Variants in MED10 observed in about 807,000 individuals in gnomAD.
MED10 encodes the protein mediator complex subunit 10.
In MED10, 9 loss-of-function variants were observed where a neutral mutation model predicts 17.2. The ratio of observed to expected loss-of-function variants is 0.52; its 90% confidence interval spans 0.31 to 0.91. The LOEUF is 0.91. MED10 is among the 40% of genes least tolerant of loss of function. The probability of loss-of-function intolerance (pLI) is 0.04; values close to 1 mark genes in which losing one functional copy is unlikely to be tolerated. For synonymous variants in MED10, 66 were observed against 59.8 expected, an observed-to-expected ratio of 1.10 and a Z score of -0.48; for missense variants, 129 against 164.8, an observed-to-expected ratio of 0.78 and a Z score of 1.19.
chr5:6,376,968 T>C (rs1738004693), intron 2 of MED10, 198 bp downstream of exon 2: 4 of 410,932 alleles, frequency 9.7e-6, no homozygotes, highest in South Asian at 8.5e-5. Context: ...CGTTTTGTAA[T>C]GCCATTAGAA....
intron 3 of MED10, among the ~76,000 whole-genome samples, chr5:6,372,922 G>A (rs190653167): frequency 6.4e-4 from 98 of 152,306 alleles, no homozygotes; most frequent in African/African-American, 2.3e-3. Flanking sequence ...GGAGAGAGAC[G>A]TTTCTGTTGG....
rs1384564589 is a variant in MED10 at position 6,378,376 on chromosome 5, C to T, written c.108G>A (p.Gly36=). ...VSDFQPSSQA[G]LNQKLNFIVT... ...CCGCCACTCACAGCTTTTGGTTGAGCCCGGCCTGGCTGCTGGGCTGGAAGT... is the reference window on the plus strand; with the variant it reads ...CCGCCACTCACAGCTTTTGGTTGAGTCCGGCCTGGCTGCTGGGCTGGAAGT... Residue 36 remains glycine, a synonymous_variant, in exon 1 of 4, where the codon GGG becomes GGA. Coordinates refer to ENST00000255764, the MANE Select transcript of MED10 (RefSeq NM_032286.3). The T allele has an allele frequency of 6.2e-7, 1 of 1,610,840 alleles. No individual in the cohort carries two copies. Among genetic ancestry groups the T allele is most frequent in the East Asian group, 2.2e-5 (1 of 44,782 alleles).
Position 6,378,453 on chromosome 5 carries a change from G to C in MED10, c.31C>G (p.His11Asp). Residue 11 changes from histidine to aspartate, a missense_variant, in exon 1 of 4, where the codon CAC (histidine) becomes GAC (aspartate). Coordinates refer to ENST00000255764, the MANE Select transcript of MED10 (RefSeq NM_032286.3). MAEKFDHLEEHLEKFVENIRQ... is the reference protein window; with the variant it reads MAEKFDHLEEDLEKFVENIRQ... ...ATGTTCTCCACGAACTTCTCCAGGT[G>C]CTCCTCTAGGTGGTCAAACTTCTCC... The C allele has an allele frequency of 6.2e-7, 1 of 1,613,658 alleles. No individual in the cohort carries two copies. Among genetic ancestry groups the C allele is most frequent in the South Asian group, 1.1e-5 (1 of 91,032 alleles).
chr5:6,373,017 C>T (rs570364416), intron 3 of MED10, among the ~76,000 whole-genome samples: 44 of 152,326 alleles, frequency 2.9e-4, no homozygotes, highest in African/African-American at 1.0e-3. Context: ...AGTGCACTGG[C>T]TCTGAAGGTG....
chr5:6,376,872 C>A (rs1358589694), intron 2 of MED10: 2 of 212,792 alleles, frequency 9.4e-6, no homozygotes, highest in African/African-American at 2.3e-5. Flanking sequence ...CTTTGAGGAC[C>A]TATGATGTAT....
At chr5:6,372,790 C>T (rs1403768527) in intron 3 of MED10, among the ~76,000 whole-genome samples, 189 bp from the exon 4 acceptor site, 1 of 152,178 alleles carries the variant, frequency 6.6e-6, no homozygotes, top group Non-Finnish European at 1.5e-5. Context: ...GGAAGCGACA[C>T]TGCACAGCCC....
At chr5:6,374,262 A>T (rs1737948222) in intron 3 of MED10, 62 bp downstream of exon 3, 5 of 1,164,146 alleles carry the variant, frequency 4.3e-6, no homozygotes, top group Non-Finnish European at 6.5e-6. Context: ...GAGTCTCTTA[A>T]CCAAATTCCA....
chr5:6,373,438 C>A (rs933680708), intron 3 of MED10, among the ~76,000 whole-genome samples: 1 of 152,204 alleles, frequency 6.6e-6, no homozygotes, highest in African/African-American at 2.4e-5. Context: ...TCTTGACCAG[C>A]ATTCTCAAGG....
chr5:6,372,166 T>G lies in MED10; in HGVS notation c.*337A>C. 1 of 229,454 alleles carries G rather than the reference T, an allele frequency of 4.4e-6. No homozygotes were observed. Among genetic ancestry groups the G allele is most frequent in the Non-Finnish European group, 8.5e-6 (1 of 118,158 alleles). 14.2% of individuals were successfully genotyped at this position (229,454 alleles called of 1,614,324 possible). ...GTTAAAAGAAAAATATTAGGTAGAA[T>G]GTTGTAAAACTTTTAATTTACCCAT... On this transcript the variant is annotated 3_prime_UTR_variant, in exon 4 of 4. Coordinates refer to ENST00000255764, the MANE Select transcript of MED10 (RefSeq NM_032286.3).
rs764431759 is a variant in MED10 at position 6,374,387 on chromosome 5, T to C, written c.246A>G (p.Lys82=). The C allele has an allele frequency of 5.6e-6, 9 of 1,613,906 alleles. No individual in the cohort carries two copies. The Admixed American group carries it at 1.5e-4, about 27-fold the overall frequency. Reference sequence around the variant, plus strand: ...TAGCTAGAGCCCTCTCCAGGCACTCTTTGGTGTAGAGCTGGGGATTTCGAC... The same window carrying C: ...TAGCTAGAGCCCTCTCCAGGCACTCCTTGGTGTAGAGCTGGGGATTTCGAC... ...DQGRNPQLYT[K]ECLERALAKN... The change falls in exon 3 of 4, where the codon AAA becomes AAG. Residue 82 remains lysine, a synonymous_variant. Coordinates refer to ENST00000255764, the MANE Select transcript of MED10 (RefSeq NM_032286.3).
chr5:6,378,515 C>T lies in MED10; in HGVS notation c.-32G>A, dbSNP rs1037946555. 18 of 1,595,502 alleles carry T rather than the reference C, an allele frequency of 1.1e-5. No individual in the cohort carries two copies. The highest frequency in any genetic ancestry group is 1.5e-5 in the Non-Finnish European group (17 of 1,169,652). ...GGCCCGTCCCCGACCCACACAGCCT[C>T]AACCAGCAGCGCCGCAGGCGTGGCC... is the stretch of plus-strand genomic sequence containing the variant. On this transcript the variant is annotated 5_prime_UTR_variant, in exon 1 of 4. Transcript: ENST00000255764.
At chr5:6,374,593 C>T in intron 2 of MED10, 167 bp from the exon 3 acceptor site, 1 of 581,854 alleles carries the variant, frequency 1.7e-6, no homozygotes, top group South Asian at 2.0e-5. Flanking sequence ...CTCATTTACA[C>T]AAGTACAGAT....
chr5:6,374,790 CTT>C (rs1737959565), intron 2 of MED10: 1 of 182,006 alleles, frequency 5.5e-6, no homozygotes, highest in Non-Finnish European at 1.2e-5. Flanking sequence ...TAAGGCAACT[CTT>C]GACAAAAGAA....
intron 1 of MED10, 41 bp from the exon 2 acceptor site, chr5:6,377,290 C>T (rs1361148138): frequency 3.3e-6 from 5 of 1,500,152 alleles, no homozygotes; most frequent in Admixed American, 3.5e-5. Context: ...GTTAATTTCG[C>T]TTGACAGCAT....
Position 6,375,698 on chromosome 5 carries a change from C to T in MED10, c.207-1272G>A, listed in dbSNP as rs535889848. On this transcript the variant is annotated intron_variant, in intron 2 of 3. Coordinates refer to ENST00000255764, the MANE Select transcript of MED10 (RefSeq NM_032286.3). The stretch of plus-strand genomic sequence containing the variant: ...GAGACAAGGGCCAAGCTGCTTTCAC[C>T]TTAGCTAAAGACACAGTTGGTGTGT... 1.0e-3 allele frequency among the ~76,000 whole-genome samples: 156 copies of T among 152,302 alleles called. 1 individual carries two copies. Among genetic ancestry groups the T allele is most frequent in the African/African-American group, 3.5e-3 (147 of 41,574 alleles).
At position 6,372,656 on chromosome 5, in the gene MED10, A is replaced by G. The variant is rs1218929534; in HGVS notation, c.310-55T>C. 46 of 1,414,466 alleles carry G rather than the reference A, an allele frequency of 3.3e-5. No individual in the cohort carries two copies. The South Asian group carries it at 4.7e-4, about 15-fold the overall frequency. The allele number at this position is 1,414,466 out of a possible 1,614,324, so 87.6% of individuals were successfully genotyped here. A position where few individuals can be genotyped will look rare whatever the true frequency, so the allele number is the denominator to read the frequency against. On this transcript the variant is annotated intron_variant, in intron 3 of 3. Transcript: ENST00000255764. ...TCTTCACATCAACACTCCAATAACT[A>G]TTTAAAATATGCCTTTTGGAAGTTT... is the stretch of plus-strand genomic sequence containing the variant.
chr5:6,372,766 C>T (rs536986672), intron 3 of MED10, among the ~76,000 whole-genome samples, 165 bp from the exon 4 acceptor site: 4 of 152,270 alleles, frequency 2.6e-5, no homozygotes, highest in African/African-American at 9.6e-5. Context: ...ACACCAATAG[C>T]AACATATGCA....
At chr5:6,377,959 C>T (rs777232233) in intron 1 of MED10, among the ~76,000 whole-genome samples, 10 of 152,188 alleles carry the variant, frequency 6.6e-5, no homozygotes, top group Non-Finnish European at 1.2e-4. Flanking sequence ...TAGTTTAGGG[C>T]GTGCACTCAC....
At chr5:6,373,781 C>T (rs1737936890) in intron 3 of MED10, among the ~76,000 whole-genome samples, 1 of 152,176 alleles carries the variant, frequency 6.6e-6, no homozygotes, top group Non-Finnish European at 1.5e-5. Context: ...ATTTGAACTA[C>T]ATTTGAGTCA....
Sources: allele counts gnomAD v4.1 joint callset (sites outside exome capture counted in the v4.1 genomes callset), GRCh38; gene constraint gnomAD v4.1.1; transcripts MANE v1.5; gene names NCBI Gene and HGNC (gene_info 2026-07-23, HGNC 2026-07-21).